SYN1: variants seen among roughly 807,000 people sequenced by gnomAD.
The protein encoded by SYN1 is synapsin-1.
SYN1 carries 8 observed loss-of-function variants against 44.6 expected under a neutral mutation model. The observed-to-expected ratio is 0.18, with a 90% CI of 0.11 to 0.32. The LOEUF is 0.32. Among genes scored for constraint, SYN1 ranks in the 10% least tolerant of loss-of-function variants. The pLI, the probability that SYN1 is intolerant of heterozygous loss-of-function variation, is 1.00. For missense variants in SYN1, 451 were observed against 639.4 expected (o/e 0.71, Z 3.18); for synonymous variants, 275 against 280.1 (o/e 0.98, Z 0.18).
At position 47,574,060 on chromosome X, in the gene SYN1, G is replaced by T; in HGVS notation, c.1924C>A (p.Gln642Lys). The change falls in exon 12 of 13, where the codon CAG (glutamine) becomes AAG (lysine). Residue 642 changes from glutamine to lysine, a missense_variant. Gln to Lys is a moderately conservative substitution (Grantham distance 53). Coordinates refer to ENST00000295987, the MANE Select transcript of SYN1 (RefSeq NM_006950.3). ...PKPQLAQKPS[Q>K]DVPPPATAAA... ...GCGGTGGCGGGTGGCGGCACGTCCT[G>T]GCTGGGTTTCTGGGCCAGCTGTGGT... is the stretch of plus-strand genomic sequence containing the variant. The T allele has an allele frequency of 8.7e-7, 1 of 1,153,287 alleles. No homozygotes were observed. Among genetic ancestry groups the T allele is most frequent in the East Asian group, 3.3e-5 (1 of 30,256 alleles).
intron 3 of SYN1, among the ~76,000 whole-genome samples, chrX:47,606,200 T>C (rs183828988): frequency 4.5e-5 from 5 of 111,842 alleles, no homozygotes; most frequent in Non-Finnish European, 7.5e-5. Context: ...GCCACTGTTA[T>C]GTTTTTTCTT....
intron 5 of SYN1, among the ~76,000 whole-genome samples, chrX:47,589,017 A>G (rs779118957): frequency 9.0e-6 from 1 of 111,578 alleles, no homozygotes; most frequent in Admixed American, 9.5e-5. Flanking sequence ...AACACAGGAA[A>G]TGGGACAGTC....
chrX:47,610,708 G>T (rs1195960631), intron 1 of SYN1, among the ~76,000 whole-genome samples: 2 of 110,469 alleles, frequency 1.8e-5, no homozygotes, highest in Non-Finnish European at 3.8e-5. Flanking sequence ...TAAAACCCTG[G>T]CGAGGACTCT....
intron 5 of SYN1, among the ~76,000 whole-genome samples, chrX:47,601,582 C>A (rs1207497196): frequency 2.7e-5 from 3 of 111,192 alleles, no homozygotes; most frequent in Non-Finnish European, 5.7e-5. Flanking sequence ...CACAGCAAGA[C>A]CCTGTCTCAA....
intron 5 of SYN1, chrX:47,586,766 GAAAT>G: frequency 9.0e-7 from 1 of 1,111,929 alleles, no homozygotes; most frequent in Non-Finnish European, 1.2e-6. Flanking sequence ...TCCGGACAAT[GAAAT>G]AAAGAGTTAC....
Position 47,576,301 on chromosome X carries a change from TC to T in SYN1, c.1055+30del, listed in dbSNP as rs765391405. On this transcript the variant is annotated intron_variant, in intron 8 of 12. Transcript: ENST00000295987. ...GAGCTGTCGTGCTCCCACCCCCGCT[TC>T]CCCTCACACCCTGAGTTCGGGCTGC... 3.5e-4 allele frequency: 418 copies of T among 1,208,368 alleles called. 1 individual carries two copies. The African/African-American group carries it at 6.7e-3, about 19-fold the overall frequency.
chrX:47,576,484 G>A lies in SYN1; in HGVS notation c.980+14C>T, dbSNP rs376734047. 5.2e-4 allele frequency: 625 copies of A among 1,210,523 alleles called. No homozygotes were observed. The highest frequency in any genetic ancestry group is 4.9e-3 in the African/African-American group (278 of 57,299). On this transcript the variant is annotated intron_variant, in intron 7 of 12. Transcript: ENST00000295987. ...GCAGGGGACCCCTTCCAGGGCTTTGGTCTCTCCACTCACATGTAGGCCTTG... is the reference window on the plus strand; with the variant it reads ...GCAGGGGACCCCTTCCAGGGCTTTGATCTCTCCACTCACATGTAGGCCTTG...
intron 5 of SYN1, among the ~76,000 whole-genome samples, chrX:47,592,161 C>T (rs2057850005): frequency 1.8e-5 from 2 of 110,742 alleles, no homozygotes; most frequent in South Asian, 7.6e-4. Flanking sequence ...GGCAACATAG[C>T]AAGACCGTGC....
At chrX:47,601,722 A>G (rs2057880267) in intron 5 of SYN1, among the ~76,000 whole-genome samples, 1 of 112,586 alleles carries the variant, frequency 8.9e-6, no homozygotes, top group Non-Finnish European at 1.9e-5. Flanking sequence ...TCATAAGAAA[A>G]CTACAGAGCA....
intron 1 of SYN1, among the ~76,000 whole-genome samples, chrX:47,612,347 C>T (rs749017904): frequency 2.7e-5 from 3 of 110,215 alleles, no homozygotes; most frequent in Admixed American, 9.7e-5. Flanking sequence ...CTGCTGGGCC[C>T]GCCAAATAAT....
At position 47,604,717 on chromosome X, in the gene SYN1, T is replaced by G; in HGVS notation, c.774+261A>C. 1.0e-5 allele frequency: 4 copies of G among 381,937 alleles called. No homozygotes were observed. The East Asian group carries it at 1.8e-4, about 17-fold the overall frequency. 31.5% of individuals were successfully genotyped at this position (381,937 alleles called of 1,213,427 possible). ...TTACATTAATTCTGTCAATTCACAT[T>G]AGAAATAGGTTTTTAATACTGGCAA... On this transcript the variant is annotated intron_variant, in intron 5 of 12. Transcript: ENST00000295987.
At position 47,619,516 on chromosome X, in the gene SYN1, C is replaced by G. The variant is rs774873821; in HGVS notation, c.213G>C (p.Ser71=). 8.3e-7 allele frequency: 1 copy of G among 1,198,529 alleles called. No individual in the cohort carries two copies. The highest frequency in any genetic ancestry group is 1.1e-6 in the Non-Finnish European group (1 of 891,965). ...GCGACGAGAAGAAGCCACCGCCCCC[C>G]GAGGACCCGGGGCTAGGGGCGGCCG... is the stretch of plus-strand genomic sequence containing the variant. ...ASPAAPSPGS[S]GGGGFFSSLS... is the part of the protein sequence containing the mutation. The change falls in exon 1 of 13, where the codon TCG becomes TCC. Residue 71 remains serine (S), a synonymous_variant. Coordinates refer to ENST00000295987, the MANE Select transcript of SYN1 (RefSeq NM_006950.3).
At chrX:47,592,548 T>A (rs2057851402) in intron 5 of SYN1, among the ~76,000 whole-genome samples, 2 of 110,888 alleles carry the variant, frequency 1.8e-5, no homozygotes, top group Non-Finnish European at 3.8e-5. Context: ...TTTGTAGGTA[T>A]ATTTTTGGGA....
In SYN1 at chrX:47,572,463, T is replaced by C. The variant is rs1000196781; in HGVS notation, c.*401A>G. ...TGGGAAATAGGTGTGCTGGAGAGATTTGGGACCAAAAATAGGGTTTTCCAG... is the reference window on the plus strand; with the variant it reads ...TGGGAAATAGGTGTGCTGGAGAGATCTGGGACCAAAAATAGGGTTTTCCAG... On this transcript the variant is annotated 3_prime_UTR_variant, in exon 13 of 13. Transcript: ENST00000295987. 51 of 162,454 alleles carry C rather than the reference T, an allele frequency of 3.1e-4. 1 individual carries two copies. Among genetic ancestry groups the C allele is most frequent in the Non-Finnish European group, 4.6e-4 (39 of 84,836 alleles). 13.4% of individuals were successfully genotyped at this position (162,454 alleles called of 1,213,427 possible). A position where few individuals can be genotyped will look rare whatever the true frequency, so the allele number is the denominator to read the frequency against.
chrX:47,605,124 C>T (rs778545019), intron 4 of SYN1, 57 bp from the exon 5 acceptor site: 46 of 1,196,972 alleles, frequency 3.8e-5, no homozygotes, highest in Non-Finnish European at 5.2e-5. Flanking sequence ...CTGTAAGTTT[C>T]TGAACACCCT....
At chrX:47,580,534 G>C (rs1220905837) in intron 5 of SYN1, among the ~76,000 whole-genome samples, 1 of 109,371 alleles carries the variant, frequency 9.1e-6, no homozygotes, top group Admixed American at 9.6e-5. Flanking sequence ...AGGAGGCTGA[G>C]GCAGGAGAAT....
At chrX:47,592,839 G>C (rs1316914140) in intron 5 of SYN1, among the ~76,000 whole-genome samples, 1 of 111,021 alleles carries the variant, frequency 9.0e-6, no homozygotes, top group African/African-American at 3.3e-5. Context: ...ACTGATTTCT[G>C]CATGTTGATT....
At chrX:47,613,823 T>A (rs1301599644) in intron 1 of SYN1, among the ~76,000 whole-genome samples, 3 of 111,618 alleles carry the variant, frequency 2.7e-5, no homozygotes, top group Non-Finnish European at 5.7e-5. Flanking sequence ...GAAGGTGAGA[T>A]CATGCAAGAA....
At chrX:47,573,057 G>A (rs776407907) in intron 12 of SYN1, 58 bp from the exon 13 acceptor site, 215 of 1,185,153 alleles carry the variant, frequency 1.8e-4, no homozygotes, top group Non-Finnish European at 2.4e-4. Context: ...GGGAGGAAGG[G>A]GAGAGAAACA....
Sources: allele counts gnomAD v4.1 joint callset (sites outside exome capture counted in the v4.1 genomes callset), GRCh38; gene constraint gnomAD v4.1.1; transcripts MANE v1.5; gene names NCBI Gene and HGNC (gene_info 2026-07-23, HGNC 2026-07-21).